The following SLA2 variants were observed in gnomAD, a reference collection of about 807,000 sequenced individuals.
The protein encoded by SLA2 is Src like adaptor 2.
A neutral mutation model predicts 27.3 loss-of-function variants in SLA2; 22 were observed. That is an observed-to-expected ratio of 0.81 (90% CI 0.58 to 1.15). SLA2 has a LOEUF of 1.15. SLA2 is among the 50% of genes most tolerant of loss of function. SLA2 has a pLI of 0.00. For missense variants in SLA2, 304 were observed against 322.2 expected (o/e 0.94, Z 0.43); for synonymous variants, 131 against 137.8 (o/e 0.95, Z 0.34).
Position 36,619,222 on chromosome 20 carries a change from A to G in SLA2, c.383-3848T>C, listed in dbSNP as rs1210784035. On this transcript the variant is annotated intron_variant, in intron 5 of 7. Coordinates refer to ENST00000262866, the MANE Select transcript of SLA2 (RefSeq NM_032214.4). ...GGCAATGGAGTGAGACTCTGGGGGA[A>G]AAAAAAAAAAAAAAAAAAAAAGGCT... Among the ~76,000 whole-genome samples the G allele has an allele frequency of 1.7e-3, 225 of 129,274 alleles. 1 individual carries two copies. The highest frequency in any genetic ancestry group is 7.3e-3 in the African/African-American group (215 of 29,348). 84.8% of individuals were successfully genotyped at this position (129,274 alleles called of 152,430 possible). A position where few individuals can be genotyped will look rare whatever the true frequency, so the allele number is the denominator to read the frequency against.
chr20:36,633,798 C>T (rs905045859), intron 3 of SLA2, among the ~76,000 whole-genome samples, 169 bp from the exon 4 acceptor site: 1 of 151,752 alleles, frequency 6.6e-6, no homozygotes, highest in African/African-American at 2.4e-5. Flanking sequence ...TGAGTCAGGG[C>T]TGGGGCTGGT....
intron 5 of SLA2, among the ~76,000 whole-genome samples, 153 bp from the exon 6 acceptor site, chr20:36,615,527 C>T (rs576201426): frequency 6.6e-6 from 1 of 152,234 alleles, no homozygotes; most frequent in Admixed American, 6.5e-5. Context: ...CTCTCTTGGT[C>T]ATCAATAATA....
intron 5 of SLA2, among the ~76,000 whole-genome samples, chr20:36,625,874 C>G (rs2039332254): frequency 6.6e-6 from 1 of 151,532 alleles, no homozygotes; most frequent in South Asian, 2.1e-4. Flanking sequence ...CCTATAAACC[C>G]AGCACTTTGG....
At chr20:36,638,521 G>T (rs912831692) in intron 2 of SLA2, among the ~76,000 whole-genome samples, 3 of 152,088 alleles carry the variant, frequency 2.0e-5, no homozygotes, top group African/African-American at 7.2e-5. Flanking sequence ...TAGAGACAGG[G>T]TTTTACCATA....
rs566002887 is a variant in SLA2, at chr20:36,613,882, G to C, written c.770C>G (p.Ser257Cys). The C allele has an allele frequency of 1.2e-6, 2 of 1,612,190 alleles. No homozygotes were observed. Among genetic ancestry groups the C allele is most frequent in the South Asian group, 2.2e-5 (2 of 91,062 alleles). ...CCTTTGGGCCTAGGCATCATCCAAA[G>C]AGACAGCCTCGTCATTCAGGCTGAT... ...FYISLNDEAV[S>C]LDDA is the part of the protein sequence containing the mutation. Residue 257 changes from serine (S) to cysteine (C), a missense_variant, in exon 8 of 8, where the codon TCT (serine) becomes TGT (cysteine). Coordinates refer to ENST00000262866, the MANE Select transcript of SLA2 (RefSeq NM_032214.4).
chr20:36,638,377 G>A (rs2039474183), intron 2 of SLA2, among the ~76,000 whole-genome samples: 1 of 152,112 alleles, frequency 6.6e-6, no homozygotes, highest in East Asian at 1.9e-4. Context: ...CCCCCAGGCT[G>A]GAGTGCAGTG....
intron 7 of SLA2, 86 bp from the exon 8 acceptor site, chr20:36,614,072 C>T: frequency 1.9e-6 from 3 of 1,566,252 alleles, no homozygotes; most frequent in Admixed American, 1.8e-5. Flanking sequence ...GTTCTCAAAA[C>T]CCTTCACTCC....
chr20:36,636,155 C>T (rs144786528), intron 2 of SLA2, among the ~76,000 whole-genome samples: 1,965 of 149,602 alleles, frequency 0.013, 67 homozygotes, highest in African/African-American at 0.044. Flanking sequence ...CGGTGGCTCA[C>T]GCCTGTAATC....
rs141071704 is a variant in SLA2, at chr20:36,623,092, A to C, written c.383-7718T>G. Among the ~76,000 whole-genome samples, 916 of 152,220 alleles carry C rather than the reference A, an allele frequency of 6.0e-3. 5 individuals carry two copies. The highest frequency in any genetic ancestry group is 0.021 in the African/African-American group (867 of 41,522). On this transcript the variant is annotated intron_variant, in intron 5 of 7. Transcript: ENST00000262866. ...AAGACCAGCCTGGCCAACATGGTGA[A>C]ACCCCCATCTCTACAAAAATAGAAA...
intron 5 of SLA2, among the ~76,000 whole-genome samples, chr20:36,616,089 T>C (rs985977053): frequency 6.6e-6 from 1 of 152,100 alleles, no homozygotes; most frequent in Non-Finnish European, 1.5e-5. Context: ...AACATGACAT[T>C]ATATGTTGCA....
chr20:36,641,355 C>G lies in SLA2; in HGVS notation c.-20G>C, dbSNP rs752713180. The G allele has an allele frequency of 3.7e-5, 60 of 1,604,082 alleles. No homozygotes were observed. In the Middle Eastern group the frequency reaches 2.5e-3, roughly 66 times the overall value. On this transcript the variant is annotated 5_prime_UTR_variant, in exon 2 of 8. It removes the in-frame stop codon of an upstream open reading frame in the 5' UTR. Transcript: ENST00000262866. ...TCCCATTGTTCCTCAGCAGAGCACT[C>G]AGAAGCACATCATCGAGGGAAATCT...
At chr20:36,641,446 C>G in intron 1 of SLA2, 68 bp from the exon 2 acceptor site, 1 of 857,446 alleles carries the variant, frequency 1.2e-6, no homozygotes. Flanking sequence ...CTCTCCCTCC[C>G]CAGATCGGCC....
At chr20:36,640,293 T>C (rs776782521) in intron 2 of SLA2, among the ~76,000 whole-genome samples, 6 of 152,070 alleles carry the variant, frequency 3.9e-5, no homozygotes, top group Non-Finnish European at 8.8e-5. Flanking sequence ...AGCAAAACCA[T>C]GTATTAAAAA....
In SLA2 at chr20:36,637,932, G is replaced by A. The variant is rs1445822655; in HGVS notation, c.91+3313C>T. 3.2e-5 allele frequency among the ~76,000 whole-genome samples: 4 copies of A among 126,682 alleles called. No individual in the cohort carries two copies. The East Asian group carries it at 7.4e-4, about 23-fold the overall frequency. The allele number at this position is 126,682 out of a possible 152,430, so 83.1% of individuals were successfully genotyped here. ...GAGACAGAGTCTCACACTGTCGCCC[G>A]GGCTGGACTGCAATGGCATGATCTT... On this transcript the variant is annotated intron_variant, in intron 2 of 7. Transcript: ENST00000262866.
In SLA2 at chr20:36,638,171, A is replaced by G. The variant is rs113369661; in HGVS notation, c.91+3074T>C. ...CTCTTAAAGCGCTGGGATTACAGGC[A>G]TGCGCCTGGCCTGAAGTTTGCTTTT... On this transcript the variant is annotated intron_variant, in intron 2 of 7. Coordinates refer to ENST00000262866, the MANE Select transcript of SLA2 (RefSeq NM_032214.4). Among the ~76,000 whole-genome samples, 656 of 152,062 alleles carry G rather than the reference A, an allele frequency of 4.3e-3. 4 individuals are homozygous for G. Among genetic ancestry groups the G allele is most frequent in the Middle Eastern group, 0.01 (3 of 294 alleles).
chr20:36,640,571 T>C (rs1056160607), intron 2 of SLA2, among the ~76,000 whole-genome samples: 18 of 150,304 alleles, frequency 1.2e-4, no homozygotes, highest in Admixed American at 2.0e-4. Flanking sequence ...TGCAGTGGCA[T>C]AGTGGCATGA....
intron 2 of SLA2, among the ~76,000 whole-genome samples, chr20:36,636,233 A>T (rs570439196): frequency 4.3e-4 from 64 of 148,206 alleles, no homozygotes; most frequent in Admixed American, 7.3e-4. Context: ...CTGGCTAACA[A>T]GGTGAAACCC....
Position 36,616,578 on chromosome 20 carries a change from C to T in SLA2, c.383-1204G>A, listed in dbSNP as rs1488233828. On this transcript the variant is annotated intron_variant, in intron 5 of 7. Coordinates refer to ENST00000262866, the MANE Select transcript of SLA2 (RefSeq NM_032214.4). ...TCGAACTCTTGACCTCGTGATCCGCCTGCCTCAGCCTCCCAAAGTGCTGGG... is the reference window on the plus strand; with the variant it reads ...TCGAACTCTTGACCTCGTGATCCGCTTGCCTCAGCCTCCCAAAGTGCTGGG... Among the ~76,000 whole-genome samples the T allele has an allele frequency of 2.0e-5, 3 of 152,258 alleles. No homozygotes were observed. In the East Asian group the frequency reaches 5.8e-4, roughly 29 times the overall value.
In SLA2 at chr20:36,638,613, G is replaced by A. The variant is rs2039476559; in HGVS notation, c.91+2632C>T. ...CAAAGTGCTGGGGTTACAGGCATGA[G>A]CCACCGCCCCTAGCCAATTTAGGTG... On this transcript the variant is annotated intron_variant, in intron 2 of 7. Coordinates refer to ENST00000262866, the MANE Select transcript of SLA2 (RefSeq NM_032214.4). Among the ~76,000 whole-genome samples the A allele has an allele frequency of 2.0e-5, 3 of 152,176 alleles. No individual in the cohort carries two copies. The South Asian group carries it at 6.2e-4, about 31-fold the overall frequency.
Sources: gnomAD v4.1 joint callset for allele counts (sites outside exome capture counted in the v4.1 genomes callset) on GRCh38, gnomAD v4.1.1 for gene constraint, MANE v1.5 for transcripts, NCBI Gene and HGNC (gene_info 2026-07-23, HGNC 2026-07-21) for gene names.